Variants in DTWD1 observed in about 807,000 individuals in gnomAD.
The protein encoded by DTWD1 is tRNA-uridine aminocarboxypropyltransferase 1.
A neutral mutation model predicts 30.2 loss-of-function variants in DTWD1; 27 were observed. That is an observed-to-expected ratio of 0.90 (90% CI 0.66 to 1.23). The LOEUF is 1.23. DTWD1 is among the 50% of genes most tolerant of loss of function. DTWD1 has a pLI of 0.00. For missense variants in DTWD1, 342 were observed against 348.8 expected (o/e 0.98, Z 0.15); for synonymous variants, 99 against 113.1 (o/e 0.88, Z 0.79).
rs755540788 is a variant in DTWD1 at position 49,625,401 on chromosome 15, T to C, written c.234T>C (p.Asn78=). The change falls in exon 2 of 5, where the codon AAT becomes AAC. Residue 78 remains asparagine, a synonymous_variant. Coordinates refer to ENST00000403028, the MANE Select transcript of DTWD1 (RefSeq NM_001144955.2). ...YCYTCYVPVE[N]VPIEQIPLVK... Reference sequence around the variant, plus strand: ...ATACATGTTATGTTCCAGTTGAAAATGTACCTATTGAACAGATTCCACTTG... The same window carrying C: ...ATACATGTTATGTTCCAGTTGAAAACGTACCTATTGAACAGATTCCACTTG... 6.2e-7 allele frequency: 1 copy of C among 1,613,748 alleles called. No individual in the cohort carries two copies. Among genetic ancestry groups the C allele is most frequent in the South Asian group, 1.1e-5 (1 of 91,054 alleles).
rs1399325574 is a variant in DTWD1 at position 49,654,207 on chromosome 15, G to C, written c.*10629G>C. 1 of 152,052 alleles carries C rather than the reference G, an allele frequency of 6.6e-6. No individual in the cohort carries two copies. The highest frequency in any genetic ancestry group is 2.4e-5 in the African/African-American group (1 of 41,428). 9.4% of individuals were successfully genotyped at this position (152,052 alleles called of 1,614,324 possible). Reference sequence around the variant, plus strand: ...GACATGGTTTAGATGATAAGATTCTGAACTTAAACTTATGCCATAATGGAG... The same window carrying C: ...GACATGGTTTAGATGATAAGATTCTCAACTTAAACTTATGCCATAATGGAG... On this transcript the variant is annotated 3_prime_UTR_variant, in exon 5 of 5. Transcript: ENST00000403028.
At chr15:49,628,359 G>T (rs1465534325) in intron 2 of DTWD1, among the ~76,000 whole-genome samples, 1 of 152,172 alleles carries the variant, frequency 6.6e-6, no homozygotes, top group Non-Finnish European at 1.5e-5. Context: ...ATTAAGTGTA[G>T]TATAGCAAAT....
chr15:49,624,530 T>C (rs1304016154), intron 1 of DTWD1, among the ~76,000 whole-genome samples: 1 of 152,214 alleles, frequency 6.6e-6, no homozygotes, highest in Admixed American at 6.5e-5. Context: ...TGTTACTCTG[T>C]AAATTTTTAA....
chr15:49,629,082 C>T (rs776536775), intron 2 of DTWD1, among the ~76,000 whole-genome samples: 10 of 152,022 alleles, frequency 6.6e-5, no homozygotes, highest in East Asian at 1.9e-4. Flanking sequence ...TGAGAACATG[C>T]GTTGTTTGGT....
At chr15:49,622,038 C>T (rs1278994196) in intron 1 of DTWD1, among the ~76,000 whole-genome samples, 1 of 152,086 alleles carries the variant, frequency 6.6e-6, no homozygotes, top group Non-Finnish European at 1.5e-5. Flanking sequence ...AAAAAAATTG[C>T]CAGCCTGCCA....
intron 4 of DTWD1, among the ~76,000 whole-genome samples, chr15:49,638,123 T>G (rs1426243984): frequency 1.3e-5 from 2 of 152,232 alleles, no homozygotes; most frequent in African/African-American, 4.8e-5. Flanking sequence ...ACTTGCCAGT[T>G]TGAAGATTTT....
rs1389991694 is a variant in DTWD1 at position 49,646,862 on chromosome 15, TTTAATAAAG to T, written c.*3286_*3294del. 2.0e-5 allele frequency: 3 copies of T among 152,198 alleles called. 1 individual carries two copies. Among genetic ancestry groups the T allele is most frequent in the African/African-American group, 7.2e-5 (3 of 41,456 alleles). The allele number at this position is 152,198 out of a possible 1,614,324, so 9.4% of individuals were successfully genotyped here. On this transcript the variant is annotated 3_prime_UTR_variant, in exon 5 of 5. Transcript: ENST00000403028. ...CGCTCTTACCAGCCTGGATTGTACC[TTTAATAAAG>T]TAGTGGATATATTTCCTTTAGGGTC...
Position 49,653,993 on chromosome 15 carries a change from G to A in DTWD1, c.*10415G>A, listed in dbSNP as rs1247103946. ...AGGGATGAACTGAACCACAATCAAGGAATAGCCTCTTCCTTTGGTGTAGGG... is the reference window on the plus strand; with the variant it reads ...AGGGATGAACTGAACCACAATCAAGAAATAGCCTCTTCCTTTGGTGTAGGG... On this transcript the variant is annotated 3_prime_UTR_variant, in exon 5 of 5. Transcript: ENST00000403028. The A allele has an allele frequency of 6.6e-6, 1 of 152,044 alleles. No individual in the cohort carries two copies. Among genetic ancestry groups the A allele is most frequent in the East Asian group, 1.9e-4 (1 of 5,152 alleles). 9.4% of individuals were successfully genotyped at this position (152,044 alleles called of 1,614,324 possible).
At chr15:49,636,039 T>A (rs1461365164) in intron 4 of DTWD1, among the ~76,000 whole-genome samples, 2 of 152,174 alleles carry the variant, frequency 1.3e-5, no homozygotes, top group African/African-American at 4.8e-5. Context: ...GATCTATATC[T>A]AATCATTATA....
intron 2 of DTWD1, among the ~76,000 whole-genome samples, chr15:49,625,885 G>C (rs990375291): frequency 0.027 from 4,096 of 152,298 alleles, 192 homozygotes; most frequent in African/African-American, 0.095. Context: ...ACAAGAGTGG[G>C]AGGGTTGTTT....
Position 49,645,149 on chromosome 15 carries a change from T to TCTTAA in DTWD1, c.*1571_*1572insCTTAA, listed in dbSNP as rs1489198572. The TCTTAA allele has an allele frequency of 6.6e-6, 1 of 152,218 alleles. No individual in the cohort carries two copies. The highest frequency in any genetic ancestry group is 1.5e-5 in the Non-Finnish European group (1 of 68,028). The allele number at this position is 152,218 out of a possible 1,614,324, so 9.4% of individuals were successfully genotyped here. On this transcript the variant is annotated 3_prime_UTR_variant, in exon 5 of 5. Coordinates refer to ENST00000403028, the MANE Select transcript of DTWD1 (RefSeq NM_001144955.2). The stretch of plus-strand genomic sequence containing the variant: ...ATTTTGAACTTTATTTAAGCTGATA[T>TCTTAA]ATCTTAAACTTACTTGAATATGTAG...
At chr15:49,629,862 C>A (rs1311724439) in intron 2 of DTWD1, 1 of 152,156 alleles carries the variant, frequency 6.6e-6, no homozygotes, top group Non-Finnish European at 1.5e-5. Context: ...GCATTTGAAA[C>A]CCTAATTGAA....
intron 2 of DTWD1, among the ~76,000 whole-genome samples, chr15:49,630,128 A>G (rs56057624): frequency 0.17 from 26,518 of 152,180 alleles, 3,002 homozygotes; most frequent in Admixed American, 0.29. Flanking sequence ...AAAATTCTAG[A>G]AAGTACAAAC....
intron 2 of DTWD1, among the ~76,000 whole-genome samples, chr15:49,629,272 A>G (rs1425318839): frequency 6.6e-6 from 1 of 152,206 alleles, no homozygotes; most frequent in African/African-American, 2.4e-5. Flanking sequence ...AACTAACAAT[A>G]CCTTGGATTG....
rs372173075 is a variant in DTWD1, at chr15:49,643,519, C to T, written c.856C>T (p.Gln286Ter). 8 of 1,605,864 alleles carry T rather than the reference C, an allele frequency of 5.0e-6. No homozygotes were observed. The highest frequency in any genetic ancestry group is 6.8e-6 in the Non-Finnish European group (8 of 1,176,244). ...NLLFFYSFMY[Q>*]LIKNAKCSGD... is the part of the protein sequence containing the mutation. ...TTTATTTTTCTATTCTTTTATGTACCAGTTGATAAAGAATGCCAAATGCTC... is the reference window on the plus strand; with the variant it reads ...TTTATTTTTCTATTCTTTTATGTACTAGTTGATAAAGAATGCCAAATGCTC... Residue 286 changes from glutamine to a stop codon, truncating the protein, a stop_gained, in exon 5 of 5, where the codon CAG becomes TAG. Coordinates refer to ENST00000403028, the MANE Select transcript of DTWD1 (RefSeq NM_001144955.2). LOFTEE classifies it high-confidence loss of function.
chr15:49,643,900 C>A lies in DTWD1; in HGVS notation c.*322C>A. On this transcript the variant is annotated 3_prime_UTR_variant, in exon 5 of 5. Coordinates refer to ENST00000403028, the MANE Select transcript of DTWD1 (RefSeq NM_001144955.2). ...ATTAGATCTAATTAGCTATTTATTT[C>A]AACATCTTTATATCTTTTCACCTGT... The A allele has an allele frequency of 5.8e-6, 1 of 172,994 alleles. No individual in the cohort carries two copies. Among genetic ancestry groups the A allele is most frequent in the Non-Finnish European group, 1.2e-5 (1 of 82,450 alleles). 10.7% of individuals were successfully genotyped at this position (172,994 alleles called of 1,614,324 possible). A position where few individuals can be genotyped will look rare whatever the true frequency, so the allele number is the denominator to read the frequency against.
rs894116351 is a variant in DTWD1 at position 49,646,199 on chromosome 15, A to G, written c.*2621A>G. ...CAAGATATGTGAATGATTCCAGCCA[A>G]GATCAGCAGAGTCATCTAACTGACA... On this transcript the variant is annotated 3_prime_UTR_variant, in exon 5 of 5. Coordinates refer to ENST00000403028, the MANE Select transcript of DTWD1 (RefSeq NM_001144955.2). 3 of 152,236 alleles carry G rather than the reference A, an allele frequency of 2.0e-5. No individual in the cohort carries two copies. The highest frequency in any genetic ancestry group is 6.6e-5 in the Admixed American group (1 of 15,262). The allele number at this position is 152,236 out of a possible 1,614,324, so 9.4% of individuals were successfully genotyped here.
chr15:49,636,424 C>T (rs534649617), intron 4 of DTWD1, among the ~76,000 whole-genome samples: 2 of 152,074 alleles, frequency 1.3e-5, no homozygotes, highest in East Asian at 3.9e-4. Context: ...ATATACTGTC[C>T]ATATTCAAAT....
At position 49,634,769 on chromosome 15, in the gene DTWD1, A is replaced by G; in HGVS notation, c.642A>G (p.Lys214=). 6.3e-7 allele frequency: 1 copy of G among 1,586,964 alleles called. No homozygotes were observed. The highest frequency in any genetic ancestry group is 8.6e-7 in the Non-Finnish European group (1 of 1,169,424). The change falls in exon 4 of 5, where the codon AAA becomes AAG. Residue 214 remains lysine, a synonymous_variant. Coordinates refer to ENST00000403028, the MANE Select transcript of DTWD1 (RefSeq NM_001144955.2). ...FIDSTWNQTN[K]IFTDERLQGL... is the part of the protein sequence containing the mutation. ...ATAGCACCTGGAACCAAACAAACAA[A>G]ATATTCACTGATGAGCGACTTCAAG...
Sources: gnomAD v4.1 joint callset for allele counts (sites outside exome capture counted in the v4.1 genomes callset) on GRCh38, gnomAD v4.1.1 for gene constraint, MANE v1.5 for transcripts, NCBI Gene and HGNC (gene_info 2026-07-23, HGNC 2026-07-21) for gene names.